The following AOPEP variants were observed in gnomAD, a reference collection of about 807,000 sequenced individuals.
AOPEP encodes aminopeptidase O (putative), also known as aminopeptidase O.
Under a neutral mutation model 98.1 loss-of-function variants are expected in AOPEP, and 77 were observed. The observed-to-expected ratio is 0.78, with a 90% CI of 0.65 to 0.95. AOPEP has a LOEUF of 0.95. Ranked by LOEUF, AOPEP falls within the 40% of genes least tolerant of loss-of-function variation. The pLI, the probability that AOPEP is intolerant of heterozygous loss-of-function variation, is 0.00. For synonymous variants in AOPEP, 346 were observed against 365.3 expected (o/e 0.95, Z 0.60); for missense variants, 1,024 against 1,024.7 (o/e 1.00, Z 0.01).
the AOPEP span, chr9:95,099,730 C>T: frequency 3.4e-5 from 8 of 232,366 alleles, no homozygotes; most frequent in African/African-American, 1.3e-4. Flanking sequence ...AAAGCACCAC[C>T]GGCAAGGCCG....
At chr9:95,110,309 A>G in the AOPEP span, 8 of 1,015,184 alleles carry the variant, frequency 7.9e-6, no homozygotes, top group Non-Finnish European at 9.4e-6. Flanking sequence ...GGAATTGAAC[A>G]CATATCTACC....
chr9:94,955,864 C>A, intron 8 of AOPEP, 44 bp from the exon 9 acceptor site: 1 of 1,374,728 alleles, frequency 7.3e-7, no homozygotes, highest in East Asian at 2.3e-5. Flanking sequence ...TTTTTATGAA[C>A]TCATGGTAGG....
At position 94,792,822 on chromosome 9, in the gene AOPEP, T is replaced by C. The variant is rs761909491; in HGVS notation, c.1022T>C (p.Ile341Thr). The change falls in exon 4 of 17, where the codon ATT becomes ACT. Residue 341 changes from isoleucine to threonine, a missense_variant. Ile to Thr is a moderately conservative substitution (Grantham distance 89, BLOSUM62 -1). Around this residue, in one of 3 missense-constraint regions of AOPEP, gnomAD observed 440 missense variants for 433.8 expected, o/e 1.01. Coordinates refer to ENST00000375315, the MANE Select transcript of AOPEP (RefSeq NM_001193329.3). ...CCAATGCCAGCCTCCACCTTCACAATTGCAGTGGGATGCTGGACAGAAATG... is the reference window on the plus strand; with the variant it reads ...CCAATGCCAGCCTCCACCTTCACAACTGCAGTGGGATGCTGGACAGAAATG... The part of the protein sequence containing the change: ...TMPMPASTFT[I>T]AVGCWTEMKM... 2 of 1,613,600 alleles carry C rather than the reference T, an allele frequency of 1.2e-6. No individual in the cohort carries two copies. The highest frequency in any genetic ancestry group is 8.5e-7 in the Non-Finnish European group (1 of 1,179,748).
intron 15 of AOPEP, among the ~76,000 whole-genome samples, chr9:95,081,884 T>C (rs1211393763): frequency 1.3e-5 from 2 of 152,168 alleles, no homozygotes; most frequent in African/African-American, 2.4e-5. Context: ...GTGGCATAAC[T>C]AAGCATGGCA....
chr9:94,871,863 C>G (rs1417776692), intron 5 of AOPEP, among the ~76,000 whole-genome samples: 3 of 151,982 alleles, frequency 2.0e-5, no homozygotes, highest in Admixed American at 2.0e-4. Context: ...TAAAGTTAAC[C>G]AGGCATGTTT....
chr9:94,980,992 C>A lies in AOPEP; in HGVS notation c.1977+1565C>A, dbSNP rs926319824. Among the ~76,000 whole-genome samples, 5 of 152,174 alleles carry A rather than the reference C, an allele frequency of 3.3e-5. No homozygotes were observed. Among genetic ancestry groups the A allele is most frequent in the Non-Finnish European group, 7.3e-5 (5 of 68,028 alleles). Reference sequence around the variant, plus strand: ...AGGCTCCCAGACATTCTTAGTGTGGCCTGGAAGCTGGGAGCTCCAGTAACT... The same window carrying A: ...AGGCTCCCAGACATTCTTAGTGTGGACTGGAAGCTGGGAGCTCCAGTAACT... On this transcript the variant is annotated intron_variant, in intron 11 of 16. Coordinates refer to ENST00000375315, the MANE Select transcript of AOPEP (RefSeq NM_001193329.3). The surrounding 1 kb of genome is among the most constrained non-coding windows in gnomAD (Gnocchi z 4.3).
At chr9:95,149,916 C>A in the AOPEP span, 1 of 1,592,594 alleles carries the variant, frequency 6.3e-7, no homozygotes, top group African/African-American at 1.3e-5. Flanking sequence ...AAACATTTGC[C>A]ACTTACAGCA....
At chr9:94,877,976 T>C (rs1011835055) in intron 5 of AOPEP, among the ~76,000 whole-genome samples, 1 of 152,104 alleles carries the variant, frequency 6.6e-6, no homozygotes, top group African/African-American at 2.4e-5. Flanking sequence ...CCTCCTCCTT[T>C]GGAGTTTGAA....
At chr9:95,065,740 G>A (rs1013422104) in intron 14 of AOPEP, among the ~76,000 whole-genome samples, 7 of 152,206 alleles carry the variant, frequency 4.6e-5, no homozygotes, top group African/African-American at 1.7e-4. Context: ...AGGGCAAGTT[G>A]ACACTTGCCA....
chr9:95,021,089 A>G (rs1215866760), intron 13 of AOPEP, among the ~76,000 whole-genome samples: 1 of 152,062 alleles, frequency 6.6e-6, no homozygotes, highest in African/African-American at 2.4e-5. Flanking sequence ...ATGTTTATAT[A>G]TATTCATACC....
At chr9:94,862,021 G>A (rs1032054306) in intron 5 of AOPEP, among the ~76,000 whole-genome samples, 3 of 152,298 alleles carry the variant, frequency 2.0e-5, no homozygotes, top group South Asian at 2.1e-4. Flanking sequence ...TCCTGTGATC[G>A]TGGCTAGTTT....
intron 5 of AOPEP, among the ~76,000 whole-genome samples, chr9:94,850,466 A>G (rs1436597661): frequency 1.3e-5 from 2 of 152,184 alleles, no homozygotes; most frequent in Admixed American, 1.3e-4. Context: ...CTTCTAAGCA[A>G]TGTACCTTTA....
At chr9:95,015,025 GATAA>G (rs1343464437) in intron 13 of AOPEP, among the ~76,000 whole-genome samples, 1 of 152,186 alleles carries the variant, frequency 6.6e-6, no homozygotes, top group Non-Finnish European at 1.5e-5. Flanking sequence ...AGCATCCTGT[GATAA>G]ATAAATCCAC....
intron 5 of AOPEP, among the ~76,000 whole-genome samples, chr9:94,833,832 C>T (rs900521338): frequency 1.3e-5 from 2 of 152,070 alleles, no homozygotes; most frequent in South Asian, 2.1e-4. Flanking sequence ...CAGCATAAAT[C>T]GTTGAGAAGG....
At chr9:94,767,036 C>T (rs116207283) in intron 2 of AOPEP, among the ~76,000 whole-genome samples, 1,660 of 152,144 alleles carry the variant, frequency 0.011, 34 homozygotes, top group African/African-American at 0.038. Flanking sequence ...TTTTATATCT[C>T]ACTCTAAAGG....
At chr9:95,014,525 G>A (rs1000259711) in intron 13 of AOPEP, among the ~76,000 whole-genome samples, 1 of 152,030 alleles carries the variant, frequency 6.6e-6, no homozygotes, top group African/African-American at 2.4e-5. Context: ...TGAGTGTATG[G>A]ACTTGAGTTG....
chr9:95,150,174 AAGAC>A, the AOPEP span: 1 of 1,389,568 alleles, frequency 7.2e-7, no homozygotes, highest in Admixed American at 1.8e-5. Context: ...AAAAAGGTCA[AAGAC>A]AGATCACCTG....
chr9:94,980,370 G>A lies in AOPEP; in HGVS notation c.1977+943G>A, dbSNP rs148746307. 4.6e-4 allele frequency among the ~76,000 whole-genome samples: 70 copies of A among 152,372 alleles called. No individual in the cohort carries two copies. The highest frequency in any genetic ancestry group is 1.5e-3 in the African/African-American group (63 of 41,586). Reference sequence around the variant, plus strand: ...GGCCTTGGCATCTGGGGGCGGTCCCGTGTGGTGAGGCAGGCCCTGTAGCCT... The same window carrying A: ...GGCCTTGGCATCTGGGGGCGGTCCCATGTGGTGAGGCAGGCCCTGTAGCCT... On this transcript the variant is annotated intron_variant, in intron 11 of 16. Coordinates refer to ENST00000375315, the MANE Select transcript of AOPEP (RefSeq NM_001193329.3). The surrounding 1 kb of genome is among the most constrained non-coding windows in gnomAD (Gnocchi z 4.3).
At chr9:94,773,335 G>T in intron 3 of AOPEP, 167 bp downstream of exon 3, 1 of 540,192 alleles carries the variant, frequency 1.9e-6, no homozygotes, top group Non-Finnish European at 3.2e-6. Flanking sequence ...GATGGGGAGG[G>T]ACACTTAGGA....
Sources: allele counts gnomAD v4.1 joint callset (sites outside exome capture counted in the v4.1 genomes callset), GRCh38; gene constraint gnomAD v4.1.1; regional missense constraint gnomAD v4.1.1; non-coding constraint Gnocchi (gnomAD v3.1); transcripts MANE v1.5; gene names NCBI Gene and HGNC (gene_info 2026-07-23, HGNC 2026-07-21).